Variants in MKNK1 observed in about 807,000 individuals in gnomAD.
The protein encoded by MKNK1 is MAP kinase-interacting serine/threonine-protein kinase 1.
Under a neutral mutation model 49.3 loss-of-function variants are expected in MKNK1, and 30 were observed. That is an observed-to-expected ratio of 0.61 (90% CI 0.46 to 0.83). The LOEUF (loss-of-function observed/expected upper bound fraction) is 0.83. Among genes scored for constraint, MKNK1 ranks in the 40% least tolerant of loss-of-function variants. MKNK1 has a pLI of 0.00. For synonymous variants in MKNK1, 176 were observed against 201.7 expected (o/e 0.87, Z 1.08); for missense variants, 423 against 524.7 (o/e 0.81, Z 1.89).
chr1:46,576,149 T>C (rs1329225067), intron 5 of MKNK1: 3 of 174,690 alleles, frequency 1.7e-5, no homozygotes, highest in Non-Finnish European at 3.6e-5. Flanking sequence ...TAGTGGTATC[T>C]GCACATATGT....
At chr1:46,596,132 AT>A (rs944694546) in intron 1 of MKNK1, among the ~76,000 whole-genome samples, 7 of 151,798 alleles carry the variant, frequency 4.6e-5, no homozygotes, top group African/African-American at 1.7e-4. Context: ...GGAGTTGGCA[AT>A]TTTTTTTCTG....
chr1:46,597,106 T>C (rs925333612), intron 1 of MKNK1, among the ~76,000 whole-genome samples: 2 of 152,048 alleles, frequency 1.3e-5, no homozygotes, highest in Non-Finnish European at 2.9e-5. Context: ...CCTGCTGGTA[T>C]AGGGCTGGGG....
intron 8 of MKNK1, among the ~76,000 whole-genome samples, chr1:46,567,725 C>T (rs1412567130): frequency 6.6e-6 from 1 of 152,206 alleles, no homozygotes; most frequent in Non-Finnish European, 1.5e-5. Flanking sequence ...GAGCTGTGAA[C>T]GTGGGCCCCA....
intron 1 of MKNK1, among the ~76,000 whole-genome samples, chr1:46,601,154 T>C (rs1674685440): frequency 6.6e-6 from 1 of 152,218 alleles, no homozygotes; most frequent in Non-Finnish European, 1.5e-5. Flanking sequence ...TGACCTCAGG[T>C]GATCCACCTG....
At chr1:46,588,734 G>T (rs980944695) in intron 2 of MKNK1, among the ~76,000 whole-genome samples, 2 of 151,938 alleles carry the variant, frequency 1.3e-5, no homozygotes, top group East Asian at 3.9e-4. Flanking sequence ...GTAAACCCCG[G>T]GGGGCGGAGC....
chr1:46,564,929 C>G (rs1668795957), intron 9 of MKNK1, 112 bp downstream of exon 9: 1 of 1,011,866 alleles, frequency 9.9e-7, no homozygotes, highest in Non-Finnish European at 1.5e-6. Context: ...ACTCAGGCAG[C>G]AGGAAGATAG....
intron 2 of MKNK1, among the ~76,000 whole-genome samples, chr1:46,590,177 G>A (rs975840149): frequency 1.3e-5 from 2 of 152,268 alleles, no homozygotes; most frequent in South Asian, 4.1e-4. Context: ...AATGGAGAAC[G>A]GAGAAAATGA....
chr1:46,588,019 TATC>T (rs1570277918), intron 2 of MKNK1, among the ~76,000 whole-genome samples: 1 of 152,250 alleles, frequency 6.6e-6, no homozygotes, highest in Non-Finnish European at 1.5e-5. Flanking sequence ...CTCTAATTCT[TATC>T]ATAATCTCAA....
chr1:46,592,508 G>A (rs1343905785), intron 2 of MKNK1, among the ~76,000 whole-genome samples: 4 of 152,242 alleles, frequency 2.6e-5, no homozygotes, highest in African/African-American at 9.6e-5. Context: ...GACTGGAGCT[G>A]TGCCTGGGGG....
At chr1:46,598,256 C>T (rs1674324480) in intron 1 of MKNK1, among the ~76,000 whole-genome samples, 1 of 152,122 alleles carries the variant, frequency 6.6e-6, no homozygotes, top group African/African-American at 2.4e-5. Context: ...TTGTTGAAGG[C>T]TGTGAAAAAA....
At chr1:46,591,715 C>A (rs1466692167) in intron 2 of MKNK1, among the ~76,000 whole-genome samples, 1 of 152,184 alleles carries the variant, frequency 6.6e-6, no homozygotes, top group African/African-American at 2.4e-5. Context: ...GCCATTGTTT[C>A]ATGTAAAAAT....
At chr1:46,577,167 G>A (rs576324141) in intron 4 of MKNK1, among the ~76,000 whole-genome samples, 1 of 152,252 alleles carries the variant, frequency 6.6e-6, no homozygotes, top group South Asian at 2.1e-4. Context: ...CTTACTCTCT[G>A]GCAGATACTG....
At chr1:46,591,963 G>A (rs1673401793) in intron 2 of MKNK1, among the ~76,000 whole-genome samples, 1 of 152,166 alleles carries the variant, frequency 6.6e-6, no homozygotes, top group African/African-American at 2.4e-5. Context: ...AAAAAAGCTG[G>A]GTGTGATGGC....
At chr1:46,602,769 T>C (rs1274543301) in intron 1 of MKNK1, among the ~76,000 whole-genome samples, 2 of 152,216 alleles carry the variant, frequency 1.3e-5, no homozygotes, top group Non-Finnish European at 1.5e-5. Flanking sequence ...CTGCTCTATA[T>C]AGTAGGCAAT....
At chr1:46,602,839 G>C (rs1674921826) in intron 1 of MKNK1, among the ~76,000 whole-genome samples, 1 of 152,174 alleles carries the variant, frequency 6.6e-6, no homozygotes, top group African/African-American at 2.4e-5. Context: ...CCCATGAAGA[G>C]GATGCAAAAG....
At chr1:46,584,320 T>A (rs1226057530) in intron 2 of MKNK1, among the ~76,000 whole-genome samples, 1 of 152,192 alleles carries the variant, frequency 6.6e-6, no homozygotes, top group African/African-American at 2.4e-5. Context: ...ACTCTTTGCC[T>A]GCAGTTAGAA....
rs1005738933 is a variant in MKNK1 at position 46,567,181 on chromosome 1, G to T, written c.513+1262C>A. On this transcript the variant is annotated intron_variant, in intron 8 of 12. Transcript: ENST00000371945. ...TGTTCTTAAGCTCCTGGCCTCAAGG[G>T]ATCCTCCTGCCTCAGCCTCCCGAAG... 4.6e-5 allele frequency among the ~76,000 whole-genome samples: 7 copies of T among 152,232 alleles called. No homozygotes were observed. The South Asian group carries it at 1.5e-3, about 32-fold the overall frequency.
At chr1:46,577,825 C>A (rs1268202371) in intron 4 of MKNK1, among the ~76,000 whole-genome samples, 1 of 152,250 alleles carries the variant, frequency 6.6e-6, no homozygotes, top group Non-Finnish European at 1.5e-5. Context: ...TCTGGAGCCT[C>A]AAACCACTGC....
rs1010595024 is a variant in MKNK1, at chr1:46,557,560, C to T, written c.*1015G>A. On this transcript the variant is annotated 3_prime_UTR_variant, in exon 13 of 13. Transcript: ENST00000371945. ...CTGAATGGCTGTACCTTCATGCACA[C>T]GGGCAGCAGGCACTGCATTGCTCAA... The T allele has an allele frequency of 2.0e-4, 30 of 152,668 alleles. 1 individual carries two copies. Among genetic ancestry groups the T allele is most frequent in the Admixed American group, 2.0e-4 (3 of 15,288 alleles). 9.5% of individuals were successfully genotyped at this position (152,668 alleles called of 1,614,324 possible).
Sources: gnomAD v4.1 joint callset for allele counts (sites outside exome capture counted in the v4.1 genomes callset) on GRCh38, gnomAD v4.1.1 for gene constraint, MANE v1.5 for transcripts, NCBI Gene and HGNC (gene_info 2026-07-23, HGNC 2026-07-21) for gene names.